The following TTC34 variants were observed in gnomAD, a reference collection of about 807,000 sequenced individuals.
TTC34 encodes tetratricopeptide repeat protein 34.
In TTC34, 44 loss-of-function variants were observed where a neutral mutation model predicts 40.7. That is an observed-to-expected ratio of 1.08 (90% CI 0.85 to 1.39). TTC34 has a LOEUF of 1.39. Ranked by LOEUF, TTC34 falls within the 40% of genes most tolerant of loss-of-function variation. The pLI is 0.00. For missense variants in TTC34, 884 were observed against 838.0 expected, an observed-to-expected ratio of 1.05 and a Z score of -0.68; for synonymous variants, 422 against 398.6, an observed-to-expected ratio of 1.06 and a Z score of -0.70.
Position 2,796,505 on chromosome 1 carries a change from T to C in TTC34, c.784+3539A>G, listed in dbSNP as rs114594255. On this transcript the variant is annotated intron_variant, in intron 2 of 8. Coordinates refer to ENST00000401095, the Ensembl canonical transcript of TTC34. The surrounding 1 kb of genome is among the most constrained non-coding windows in gnomAD (Gnocchi z 4.5). Reference sequence around the variant, plus strand: ...AGAGCCACGGCAGACACAGACGAGCTTCCGGTGGCCTTCCTGGAGGAGCTG... The same window carrying C: ...AGAGCCACGGCAGACACAGACGAGCCTCCGGTGGCCTTCCTGGAGGAGCTG... 2.0e-3 allele frequency among the ~76,000 whole-genome samples: 312 copies of C among 152,240 alleles called. 1 individual carries two copies. The highest frequency in any genetic ancestry group is 7.1e-3 in the African/African-American group (293 of 41,552).
At chr1:2,756,627 C>A (rs1641514541) in intron 6 of TTC34, among the ~76,000 whole-genome samples, 2 of 148,376 alleles carry the variant, frequency 1.3e-5, no homozygotes, top group African/African-American at 2.5e-5. Context: ...GCACCCACAC[C>A]CCCAGGTGAG....
At chr1:2,657,396 T>A (rs1218021224) in intron 6 of TTC34, among the ~76,000 whole-genome samples, 1 of 91,608 alleles carries the variant, frequency 1.1e-5, no homozygotes, top group Admixed American at 1.0e-4. Context: ...GGTGAGCATC[T>A]GACCTCCCGG....
chr1:2,790,611 C>A (rs1369364736), intron 2 of TTC34, among the ~76,000 whole-genome samples: 2 of 152,234 alleles, frequency 1.3e-5, no homozygotes, highest in Non-Finnish European at 2.9e-5. Flanking sequence ...GGCCTGCCAG[C>A]GACACTGTGC....
chr1:2,797,761 C>T (rs1325279738), intron 2 of TTC34, among the ~76,000 whole-genome samples: 1 of 151,920 alleles, frequency 6.6e-6, no homozygotes, highest in African/African-American at 2.4e-5. Context: ...AGCAGTGTCT[C>T]AAACTGGGGG....
At chr1:2,759,915 CCT>C (rs1641638781) in intron 6 of TTC34, among the ~76,000 whole-genome samples, 3 of 148,156 alleles carry the variant, frequency 2.0e-5, no homozygotes, top group African/African-American at 5.1e-5. Flanking sequence ...GGAACATCAC[CCT>C]GCACCCCCAG....
rs1210121800 is a variant in TTC34 at position 2,751,636 on chromosome 1, C to G, written c.2226+31973G>C. ...CAGGCGAGCATCTGACGGCCTGGAA[C>G]AGCACCCACACCCCCAGTTGAGCAT... is the stretch of plus-strand genomic sequence containing the variant. On this transcript the variant is annotated intron_variant, in intron 6 of 8. Transcript: ENST00000401095. Among the ~76,000 whole-genome samples the G allele has an allele frequency of 6.6e-5, 8 of 121,572 alleles. 1 individual carries two copies. Among genetic ancestry groups the G allele is most frequent in the African/African-American group, 1.4e-4 (4 of 28,270 alleles). The allele number at this position is 121,572 out of a possible 152,430, so 79.8% of individuals were successfully genotyped here.
chr1:2,675,521 AC>A (rs1639877222), intron 6 of TTC34, among the ~76,000 whole-genome samples: 2 of 116,856 alleles, frequency 1.7e-5, no homozygotes, highest in East Asian at 4.5e-4. Flanking sequence ...AGCACCCTGC[AC>A]CCCCAGGTGC....
At chr1:2,777,691 G>GC (rs1156953070) in intron 6 of TTC34, among the ~76,000 whole-genome samples, 3 of 138,358 alleles carry the variant, frequency 2.2e-5, no homozygotes, top group East Asian at 3.9e-4. Context: ...GAGGGCATGG[G>GC]GGGGGGGGCG....
At chr1:2,790,174 A>T (rs2100630535) in exon 3 of TTC34, 2 of 398,346 alleles carry the variant, frequency 5.0e-6, no homozygotes, top group East Asian at 7.1e-5. Flanking sequence ...CCTGCGCCTG[A>T]GCCCGGACGC....
At chr1:2,683,847 T>C (rs1640195484) in intron 6 of TTC34, among the ~76,000 whole-genome samples, 3 of 149,254 alleles carry the variant, frequency 2.0e-5, no homozygotes, top group Admixed American at 6.6e-5. Flanking sequence ...CAGGTGAACA[T>C]CCGACAGCCT....
chr1:2,662,247 AG>A (rs1639571016), intron 6 of TTC34, among the ~76,000 whole-genome samples: 2 of 39,990 alleles, frequency 5.0e-5, no homozygotes, highest in Non-Finnish European at 1.2e-4. Context: ...CGCACAGGTG[AG>A]CATCTGACAG....
At chr1:2,641,199 T>G (rs1570742413) in exon 9 of TTC34, 10 of 368,890 alleles carry the variant, frequency 2.7e-5, no homozygotes, top group Middle Eastern at 6.6e-4. Context: ...GAAGGGGGGT[T>G]GTGGGGAGGG....
chr1:2,795,493 T>C (rs1299962622), intron 2 of TTC34, among the ~76,000 whole-genome samples: 1 of 152,166 alleles, frequency 6.6e-6, no homozygotes, highest in Non-Finnish European at 1.5e-5. Context: ...CTTCCTTACA[T>C]GGCCCTGGGA....
chr1:2,680,839 G>T (rs1197085724), intron 6 of TTC34, among the ~76,000 whole-genome samples: 22 of 92,060 alleles, frequency 2.4e-4, no homozygotes, highest in African/African-American at 6.1e-4. Context: ...GGTGAGCATC[G>T]TAGAGTCTGG....
At chr1:2,642,261 C>A (rs1310088326) in intron 8 of TTC34, among the ~76,000 whole-genome samples, 2 of 152,170 alleles carry the variant, frequency 1.3e-5, no homozygotes, top group Non-Finnish European at 1.5e-5. Context: ...GCCCTACCGC[C>A]CCACCGGCTG....
chr1:2,759,590 C>G (rs1641623803), intron 6 of TTC34, among the ~76,000 whole-genome samples: 1 of 152,144 alleles, frequency 6.6e-6, no homozygotes, highest in Admixed American at 6.5e-5. Context: ...CCTGGAACAG[C>G]ACCCACACCG....
rs577876109 is a variant in TTC34, at chr1:2,683,924, G to T, written c.2227-38361C>A. ...GGTCGGCACCCACACCTCCAGGTGA[G>T]CATCTGATGGTCTGGAGCAGTACCC... On this transcript the variant is annotated intron_variant, in intron 6 of 8. Transcript: ENST00000401095. Among the ~76,000 whole-genome samples the T allele has an allele frequency of 8.2e-5, 12 of 146,054 alleles. 1 individual carries two copies. Among genetic ancestry groups the T allele is most frequent in the African/African-American group, 2.4e-4 (9 of 38,258 alleles).
exon 8 of TTC34, chr1:2,644,465 T>G: frequency 6.5e-7 from 1 of 1,533,494 alleles, no homozygotes; most frequent in Non-Finnish European, 8.7e-7. Context: ...GGGTGCCAGC[T>G]TCCTCGTAGC....
In TTC34 at chr1:2,645,155, A is replaced by C; in HGVS notation, c.2497+138T>G. The C allele has an allele frequency of 9.3e-7, 1 of 1,079,912 alleles. No individual in the cohort carries two copies. The highest frequency in any genetic ancestry group is 1.2e-6 in the Non-Finnish European group (1 of 812,240). The allele number at this position is 1,079,912 out of a possible 1,614,324, so 66.9% of individuals were successfully genotyped here. ...AGGGAGCAGGGCCAGAGGTCATGGGATTTGGGGTGGAAGGGACCTTGGAAG... is the reference window on the plus strand; with the variant it reads ...AGGGAGCAGGGCCAGAGGTCATGGGCTTTGGGGTGGAAGGGACCTTGGAAG... On this transcript the variant is annotated intron_variant, in intron 7 of 8. Coordinates refer to ENST00000401095, the Ensembl canonical transcript of TTC34. This position sits in a 1 kb window ranked among gnomAD's most constrained non-coding sequence, Gnocchi z 4.7.
Sources: allele counts gnomAD v4.1 joint callset (sites outside exome capture counted in the v4.1 genomes callset), GRCh38; gene constraint gnomAD v4.1.1; non-coding constraint Gnocchi (gnomAD v3.1); transcripts MANE v1.5; gene names NCBI Gene and HGNC (gene_info 2026-07-23, HGNC 2026-07-21).